SLC39A11: variants seen among roughly 807,000 people sequenced by gnomAD.
The protein encoded by SLC39A11 is solute carrier family 39 member 11.
A neutral mutation model predicts 36.1 loss-of-function variants in SLC39A11; 33 were observed. The observed-to-expected ratio is 0.91, with a 90% CI of 0.69 to 1.22. The LOEUF is 1.22. Among genes scored for constraint, SLC39A11 ranks in the 50% most tolerant of loss-of-function variants. The pLI is 0.00. For synonymous variants in SLC39A11, 166 were observed against 170.3 expected (o/e 0.97, Z 0.20); for missense variants, 432 against 430.3 (o/e 1.00, Z -0.03).
At chr17:72,861,268 G>A (rs1342512506) in intron 5 of SLC39A11, among the ~76,000 whole-genome samples, 2 of 152,090 alleles carry the variant, frequency 1.3e-5, no homozygotes, top group Non-Finnish European at 2.9e-5. Context: ...CCATGTTCAC[G>A]CTGACATTTT....
chr17:72,802,872 T>C (rs1286749844), intron 6 of SLC39A11, among the ~76,000 whole-genome samples: 5 of 152,120 alleles, frequency 3.3e-5, no homozygotes. Flanking sequence ...GTCAAAACTA[T>C]GGAAAGTCCC....
At chr17:72,767,985 G>A (rs2075812912) in intron 6 of SLC39A11, among the ~76,000 whole-genome samples, 2 of 152,044 alleles carry the variant, frequency 1.3e-5, no homozygotes, top group Non-Finnish European at 2.9e-5. Flanking sequence ...GGGTGAAGGG[G>A]TGGGGGTGGC....
At chr17:72,786,456 C>T (rs1007709029) in intron 6 of SLC39A11, among the ~76,000 whole-genome samples, 1 of 152,150 alleles carries the variant, frequency 6.6e-6, no homozygotes, top group African/African-American at 2.4e-5. Flanking sequence ...TTTATACACC[C>T]CATCTTGCCT....
At chr17:72,912,105 G>A (rs1475901133) in intron 5 of SLC39A11, among the ~76,000 whole-genome samples, 1 of 152,142 alleles carries the variant, frequency 6.6e-6, no homozygotes, top group Non-Finnish European at 1.5e-5. Flanking sequence ...CAACACCAAG[G>A]AAAAGGAGGA....
chr17:72,838,775 G>A (rs1598937967), intron 6 of SLC39A11, among the ~76,000 whole-genome samples: 1 of 152,114 alleles, frequency 6.6e-6, no homozygotes, highest in African/African-American at 2.4e-5. Context: ...CACTGACCTT[G>A]AGAAAAAGAA....
chr17:72,907,041 T>C (rs2082691263), intron 5 of SLC39A11, among the ~76,000 whole-genome samples: 1 of 152,150 alleles, frequency 6.6e-6, no homozygotes, highest in Non-Finnish European at 1.5e-5. Context: ...AATGGGCTGA[T>C]TAAAGTCCCA....
intron 5 of SLC39A11, among the ~76,000 whole-genome samples, chr17:72,938,666 A>G (rs561037580): frequency 6.6e-6 from 1 of 152,178 alleles, no homozygotes; most frequent in South Asian, 2.1e-4. Context: ...AGACTCTTAA[A>G]TCTTCGACAA....
intron 5 of SLC39A11, among the ~76,000 whole-genome samples, chr17:72,904,003 A>G (rs1345705803): frequency 1.3e-5 from 2 of 152,206 alleles, no homozygotes; most frequent in Middle Eastern, 3.2e-3. Flanking sequence ...CTCACTCCAC[A>G]TGGGCCAGGC....
chr17:72,723,255 G>A (rs1395471440), intron 7 of SLC39A11, among the ~76,000 whole-genome samples: 11 of 152,174 alleles, frequency 7.2e-5, no homozygotes, highest in Admixed American at 7.2e-4. Flanking sequence ...GGAGGACAGA[G>A]TGCTGAAATG....
chr17:72,883,309 T>C (rs920301152), intron 5 of SLC39A11, among the ~76,000 whole-genome samples: 1 of 152,232 alleles, frequency 6.6e-6, no homozygotes, highest in Admixed American at 6.5e-5. Flanking sequence ...ACTATAGCTC[T>C]GTTTTCTCAG....
intron 7 of SLC39A11, among the ~76,000 whole-genome samples, chr17:72,690,185 G>C (rs1032506280): frequency 2.3e-4 from 35 of 152,238 alleles, no homozygotes; most frequent in African/African-American, 8.2e-4. Context: ...CCATGGGATG[G>C]GGGTACCAAA....
At chr17:72,670,024 A>G (rs2070934390) in intron 7 of SLC39A11, among the ~76,000 whole-genome samples, 3 of 146,960 alleles carry the variant, frequency 2.0e-5, no homozygotes. Context: ...ATACGTATAG[A>G]TGTATATACA....
At chr17:73,024,118 T>G (rs2058451120) in intron 4 of SLC39A11, among the ~76,000 whole-genome samples, 1 of 152,266 alleles carries the variant, frequency 6.6e-6, no homozygotes, top group African/African-American at 2.4e-5. Context: ...AAGGTCCGAC[T>G]GCAGAACTGC....
chr17:72,708,793 C>G (rs755258833), intron 7 of SLC39A11, among the ~76,000 whole-genome samples: 7 of 152,200 alleles, frequency 4.6e-5, no homozygotes, highest in Non-Finnish European at 7.3e-5. Context: ...CAATGATAAG[C>G]CTTGGATTTG....
At chr17:72,784,368 T>C (rs985078078) in intron 6 of SLC39A11, among the ~76,000 whole-genome samples, 11 of 151,186 alleles carry the variant, frequency 7.3e-5, no homozygotes, top group African/African-American at 2.4e-4. Context: ...AACAAAAAGG[T>C]TGGGGGGTGC....
At chr17:72,961,218 C>T (rs901605738) in intron 4 of SLC39A11, among the ~76,000 whole-genome samples, 4 of 151,990 alleles carry the variant, frequency 2.6e-5, no homozygotes, top group Admixed American at 2.0e-4. Context: ...GTTAGAATGG[C>T]GATCATTAAA....
chr17:72,949,321 G>A (rs557335800), intron 4 of SLC39A11, among the ~76,000 whole-genome samples: 6 of 151,466 alleles, frequency 4.0e-5, no homozygotes, highest in East Asian at 3.9e-4. Flanking sequence ...CCACCACGCC[G>A]GGCTAATCTT....
chr17:72,657,750 G>A (rs988357614), intron 7 of SLC39A11, among the ~76,000 whole-genome samples: 1 of 152,232 alleles, frequency 6.6e-6, no homozygotes, highest in Non-Finnish European at 1.5e-5. Flanking sequence ...GCTAGGGTAA[G>A]AATTTTAATT....
At chr17:72,767,279 T>C (rs1421625638) in intron 6 of SLC39A11, among the ~76,000 whole-genome samples, 1 of 152,234 alleles carries the variant, frequency 6.6e-6, no homozygotes, top group African/African-American at 2.4e-5. Context: ...ACTCAGCACC[T>C]ACAGGGGGCC....
Sources: gnomAD v4.1 joint callset for allele counts (sites outside exome capture counted in the v4.1 genomes callset) on GRCh38, gnomAD v4.1.1 for gene constraint, MANE v1.5 for transcripts, NCBI Gene and HGNC (gene_info 2026-07-23, HGNC 2026-07-21) for gene names.